The following CACNA1C variants were observed in gnomAD, a reference collection of about 807,000 sequenced individuals.
CACNA1C encodes the protein voltage-dependent L-type calcium channel subunit alpha-1C.
In CACNA1C, 30 loss-of-function variants were observed where a neutral mutation model predicts 229.0. The ratio of observed to expected loss-of-function variants is 0.13; its 90% CI spans 0.10 to 0.18. The LOEUF (loss-of-function observed/expected upper bound fraction) is 0.18. Ranked by LOEUF, CACNA1C falls within the 10% of genes least tolerant of loss-of-function variation. The probability of loss-of-function intolerance (pLI) is 1.00; values close to 1 mark genes in which losing one functional copy is unlikely to be tolerated. For synonymous variants in CACNA1C, 1,114 were observed against 1,132.5 expected (o/e 0.98, Z 0.33); for missense variants, 1,658 against 2,845.0 (o/e 0.58, Z 9.49).
At chr12:2,155,252 G>A (rs2095500688) in intron 3 of CACNA1C, among the ~76,000 whole-genome samples, 2 of 152,092 alleles carry the variant, frequency 1.3e-5, no homozygotes, top group South Asian at 2.1e-4. Flanking sequence ...ATGGACCTGT[G>A]GACAACAGGA....
Position 2,677,974 on chromosome 12 carries a change from G to T in CACNA1C, c.5091+107G>T, listed in dbSNP as rs2096908531. 9 of 1,307,576 alleles carry T rather than the reference G, an allele frequency of 6.9e-6. No homozygotes were observed. In the South Asian group the frequency reaches 1.2e-4, roughly 17 times the overall value. 81.0% of individuals were successfully genotyped at this position (1,307,576 alleles called of 1,614,324 possible). A position where few individuals can be genotyped will look rare whatever the true frequency, so the allele number is the denominator to read the frequency against. ...GTCCAGGGGAAGGAGCTGCACCAGA[G>T]GAAAGGGCTACTTCCAGGCTCTTCC... is the stretch of plus-strand genomic sequence containing the variant. On this transcript the variant is annotated intron_variant, in intron 41 of 46. Transcript: ENST00000399655. This position sits in a 1 kb window ranked among gnomAD's most constrained non-coding sequence, Gnocchi z 7.4.
At chr12:2,501,726 T>C (rs567117230) in intron 7 of CACNA1C, among the ~76,000 whole-genome samples, 1 of 152,322 alleles carries the variant, frequency 6.6e-6, no homozygotes, top group East Asian at 1.9e-4. Flanking sequence ...GGTGCTGAAG[T>C]CTGGTGTGGT....
intron 45 of CACNA1C, among the ~76,000 whole-genome samples, chr12:2,687,427 C>T (rs1277961881): frequency 6.6e-6 from 1 of 152,238 alleles, no homozygotes; most frequent in East Asian, 1.9e-4. Flanking sequence ...CAGAGCAGCT[C>T]ACCCTGCAGA....
intron 3 of CACNA1C, among the ~76,000 whole-genome samples, chr12:2,430,862 C>CTGTTTCTCCTCTG (rs2099076328): frequency 6.6e-6 from 1 of 152,100 alleles, no homozygotes; most frequent in Non-Finnish European, 1.5e-5. Context: ...TGGCCTCACT[C>CTGTTTCTCCTCTG]TGTTTCTCCT....
intron 1 of CACNA1C, among the ~76,000 whole-genome samples, chr12:2,017,318 T>C (rs1364328502): frequency 6.6e-6 from 1 of 152,228 alleles, no homozygotes; most frequent in Non-Finnish European, 1.5e-5. Context: ...CTTTGAAATT[T>C]AATTGTGGCC....
At chr12:2,030,306 C>T (rs1413506714) in intron 1 of CACNA1C, among the ~76,000 whole-genome samples, 1 of 152,144 alleles carries the variant, frequency 6.6e-6, no homozygotes, top group African/African-American at 2.4e-5. Flanking sequence ...TGGCATCCTT[C>T]CTTGGAATCA....
At chr12:2,303,511 C>T (rs185730529) in intron 3 of CACNA1C, among the ~76,000 whole-genome samples, 1 of 152,238 alleles carries the variant, frequency 6.6e-6, no homozygotes, top group Non-Finnish European at 1.5e-5. Context: ...ACACCCGTAA[C>T]CCCAGCACTT....
chr12:2,682,662 C>T lies in CACNA1C; in HGVS notation c.5557C>T (p.Leu1853=). The T allele has an allele frequency of 6.2e-7, 1 of 1,611,278 alleles. No individual in the cohort carries two copies. The highest frequency in any genetic ancestry group is 8.5e-7 in the Non-Finnish European group (1 of 1,179,540). ...CACGGAGGCCTGCAGTGAGCCCAGC[C>T]TGCTCTCCACAGAGATGTGAGCTCT... The part of the protein sequence containing the change: ...HDTEACSEPS[L]LSTEMLSYQD... Residue 1853 remains leucine (L), a synonymous_variant, in exon 43 of 47, where the codon CTG becomes TTG. Coordinates refer to ENST00000399655, the MANE Select transcript of CACNA1C (RefSeq NM_000719.7).
chr12:2,653,114 A>T lies in CACNA1C; in HGVS notation c.4075-721A>T, dbSNP rs943939451. 2.6e-5 allele frequency among the ~76,000 whole-genome samples: 4 copies of T among 152,212 alleles called. No homozygotes were observed. Among genetic ancestry groups the T allele is most frequent in the African/African-American group, 9.6e-5 (4 of 41,472 alleles). ...GAAGTCACGGGGGCTCTGGAAAATT[A>T]GTTGTCTGAGTTGCCAGGCAGATAA... is the stretch of plus-strand genomic sequence containing the variant. On this transcript the variant is annotated intron_variant, in intron 32 of 46. Coordinates refer to ENST00000399655, the MANE Select transcript of CACNA1C (RefSeq NM_000719.7). The surrounding 1 kb of genome is among the most constrained non-coding windows in gnomAD (Gnocchi z 4.7).
chr12:2,652,988 C>T (rs1048170671), intron 32 of CACNA1C, among the ~76,000 whole-genome samples: 1 of 152,234 alleles, frequency 6.6e-6, no homozygotes, highest in African/African-American at 2.4e-5. Flanking sequence ...GCAGCTGGCG[C>T]CTGCTCTGAC....
At chr12:2,634,436 CT>C in intron 30 of CACNA1C, 56 bp downstream of exon 30, 7 of 794,316 alleles carry the variant, frequency 8.8e-6, no homozygotes, top group Admixed American at 5.8e-5. Flanking sequence ...ACTCATTTGC[CT>C]TTTCCCGGTT....
At chr12:2,078,714 G>T (rs1395673467) in intron 1 of CACNA1C, among the ~76,000 whole-genome samples, 1 of 152,088 alleles carries the variant, frequency 6.6e-6, no homozygotes, top group Non-Finnish European at 1.5e-5. Context: ...CGTGGAAGTC[G>T]GTGTGGCGAT....
chr12:2,641,560 C>G (rs1454976294), intron 30 of CACNA1C: 1 of 611,496 alleles, frequency 1.6e-6, no homozygotes, highest in Admixed American at 2.5e-5. Flanking sequence ...TCCCTTCCAG[C>G]TTCTTCCCAC....
At chr12:2,550,473 GC>G in intron 10 of CACNA1C, 1 of 1,233,196 alleles carries the variant, frequency 8.1e-7, no homozygotes, top group Non-Finnish European at 1.1e-6. Flanking sequence ...GAGAGAAGCA[GC>G]CAGGTGAGAA....
chr12:2,528,191 C>T (rs1273408059), intron 9 of CACNA1C, among the ~76,000 whole-genome samples: 3 of 152,178 alleles, frequency 2.0e-5, no homozygotes. Context: ...GGCAGCCAGA[C>T]TTCACGGCCC....
intron 3 of CACNA1C, among the ~76,000 whole-genome samples, chr12:2,157,786 T>C (rs1488920819): frequency 4.6e-5 from 7 of 152,010 alleles, no homozygotes; most frequent in African/African-American, 1.5e-4. Context: ...AAACCAAAGC[T>C]AACAAGCAAA....
rs1303456186 is a variant in CACNA1C at position 2,348,917 on chromosome 12, A to C, written c.478-100059A>C. Among the ~76,000 whole-genome samples, 1 of 152,152 alleles carries C rather than the reference A, an allele frequency of 6.6e-6. No individual in the cohort carries two copies. Among genetic ancestry groups the C allele is most frequent in the Non-Finnish European group, 1.5e-5 (1 of 68,026 alleles). On this transcript the variant is annotated intron_variant, in intron 3 of 46. Coordinates refer to ENST00000399655, the MANE Select transcript of CACNA1C (RefSeq NM_000719.7). The surrounding 1 kb of genome is among the most constrained non-coding windows in gnomAD (Gnocchi z 4.7). ...CAATTCCTAAAGTCCTCCTTAATGG[A>C]ATTCCTCTTAGAGGCAGGCATCGAC... is the stretch of plus-strand genomic sequence containing the variant.
rs1180225358 is a variant in CACNA1C, at chr12:2,479,673, T to C, written c.758-6431T>C. ...AGCAGCTTTCTAAAACTCCATGTCC[T>C]GACTCCTGCCCCAGTCTTGAAAGTG... is the stretch of plus-strand genomic sequence containing the variant. On this transcript the variant is annotated intron_variant, in intron 5 of 46. Transcript: ENST00000399655. This position sits in a 1 kb window ranked among gnomAD's most constrained non-coding sequence, Gnocchi z 4.3. Among the ~76,000 whole-genome samples the C allele has an allele frequency of 6.6e-6, 1 of 152,230 alleles. No individual in the cohort carries two copies. Among genetic ancestry groups the C allele is most frequent in the East Asian group, 1.9e-4 (1 of 5,190 alleles).
chr12:2,692,262 C>T lies in CACNA1C; in HGVS notation c.*1063C>T, dbSNP rs1265501056. ...TAATGGAAAGGTAACTGGCAATGCA[C>T]TTGATGTGGTCTTGCACATGTGGGT... On this transcript the variant is annotated 3_prime_UTR_variant, in exon 47 of 47. Coordinates refer to ENST00000399655, the MANE Select transcript of CACNA1C (RefSeq NM_000719.7). The T allele has an allele frequency of 7.2e-5, 11 of 152,196 alleles. No individual in the cohort carries two copies. The highest frequency in any genetic ancestry group is 4.4e-5 in the Non-Finnish European group (3 of 68,052). The allele number at this position is 152,196 out of a possible 1,614,324, so 9.4% of individuals were successfully genotyped here.
Sources: gnomAD v4.1 joint callset for allele counts (sites outside exome capture counted in the v4.1 genomes callset) on GRCh38, gnomAD v4.1.1 for gene constraint, Gnocchi (gnomAD v3.1) non-coding constraint, MANE v1.5 for transcripts, NCBI Gene and HGNC (gene_info 2026-07-23, HGNC 2026-07-21) for gene names.